Variants in RIMS1 observed in about 807,000 individuals in gnomAD.
RIMS1 encodes the protein regulating synaptic membrane exocytosis protein 1.
Under a neutral mutation model 214.1 loss-of-function variants are expected in RIMS1, and 83 were observed. The observed-to-expected ratio is 0.39, with a 90% CI of 0.32 to 0.47. The LOEUF (loss-of-function observed/expected upper bound fraction) is 0.47. Ranked by LOEUF, RIMS1 falls within the 20% of genes least tolerant of loss-of-function variation. The pLI is 0.99. For missense variants in RIMS1, 2,050 were observed against 2,161.8 expected, an observed-to-expected ratio of 0.95 and a Z score of 1.03; for synonymous variants, 793 against 786.8, an observed-to-expected ratio of 1.01 and a Z score of -0.13.
chr6:72,082,051 G>A (rs2153775181), intron 2 of RIMS1, among the ~76,000 whole-genome samples: 1 of 152,222 alleles, frequency 6.6e-6, no homozygotes, highest in African/African-American at 2.4e-5. Flanking sequence ...GTAAAATTCA[G>A]GAAGCTTGTA....
chr6:72,300,492 T>A (rs1158105823), intron 26 of RIMS1, among the ~76,000 whole-genome samples: 1 of 151,768 alleles, frequency 6.6e-6, no homozygotes. Flanking sequence ...ATTGGAGTAA[T>A]GAGAAATTAT....
intron 4 of RIMS1, among the ~76,000 whole-genome samples, chr6:72,174,366 G>T (rs183160608): frequency 6.6e-6 from 1 of 152,160 alleles, no homozygotes. Context: ...AATTGATATT[G>T]TCACTTTTGG....
chr6:72,362,104 A>G (rs987263778), intron 29 of RIMS1, among the ~76,000 whole-genome samples: 1 of 152,168 alleles, frequency 6.6e-6, no homozygotes, highest in Non-Finnish European at 1.5e-5. Flanking sequence ...ATCCATGGAT[A>G]TAGTTTAAAT....
chr6:72,063,795 A>G (rs1828538147), intron 2 of RIMS1, among the ~76,000 whole-genome samples: 1 of 152,348 alleles, frequency 6.6e-6, no homozygotes, highest in Non-Finnish European at 1.5e-5. Context: ...AAAAACTAAA[A>G]TTGCCATCAG....
At chr6:72,210,745 A>C (rs1229622813) in intron 6 of RIMS1, among the ~76,000 whole-genome samples, 1 of 152,220 alleles carries the variant, frequency 6.6e-6, no homozygotes, top group African/African-American at 2.4e-5. Flanking sequence ...GTCATTTATC[A>C]TACCTAAGCC....
chr6:72,078,730 C>T (rs1221349128), intron 2 of RIMS1, among the ~76,000 whole-genome samples: 1 of 152,072 alleles, frequency 6.6e-6, no homozygotes, highest in Non-Finnish European at 1.5e-5. Flanking sequence ...AGCATTTTCT[C>T]AGCATCTGAA....
chr6:72,285,754 A>G (rs938799867), intron 24 of RIMS1, among the ~76,000 whole-genome samples: 2 of 152,314 alleles, frequency 1.3e-5, no homozygotes, highest in East Asian at 1.9e-4. Context: ...ATCATTGTAA[A>G]TAACTATAAT....
chr6:72,022,615 A>T (rs746022404), intron 2 of RIMS1, among the ~76,000 whole-genome samples: 1 of 152,226 alleles, frequency 6.6e-6, no homozygotes, highest in Non-Finnish European at 1.5e-5. Context: ...TACATTATGC[A>T]GAAAACCTTG....
intron 23 of RIMS1, among the ~76,000 whole-genome samples, chr6:72,278,631 C>T (rs2088118646): frequency 6.6e-6 from 1 of 151,978 alleles, no homozygotes; most frequent in African/African-American, 2.4e-5. Context: ...TCTATAATAT[C>T]CTTTATTATC....
chr6:71,901,880 C>T lies in RIMS1; in HGVS notation c.164+14693C>T, dbSNP rs571445729. Reference sequence around the variant, plus strand: ...GTAACAAGGAGATCACTGGTAACTTCAGGAAAGGCTTTTTCTACAAATTTA... The same window carrying T: ...GTAACAAGGAGATCACTGGTAACTTTAGGAAAGGCTTTTTCTACAAATTTA... On this transcript the variant is annotated intron_variant, in intron 1 of 33. Coordinates refer to ENST00000521978, the MANE Select transcript of RIMS1 (RefSeq NM_014989.7). 7.2e-5 allele frequency among the ~76,000 whole-genome samples: 11 copies of T among 152,124 alleles called. 1 individual carries two copies. In the East Asian group the frequency reaches 1.9e-3, roughly 27 times the overall value.
At chr6:72,188,089 C>T (rs144128639) in intron 6 of RIMS1, among the ~76,000 whole-genome samples, 1 of 152,154 alleles carries the variant, frequency 6.6e-6, no homozygotes, top group African/African-American at 2.4e-5. Context: ...TTATTCTGGC[C>T]GTGCTGGGAA....
chr6:72,107,622 T>A (rs924573165), intron 4 of RIMS1, among the ~76,000 whole-genome samples: 2 of 152,144 alleles, frequency 1.3e-5, no homozygotes, highest in African/African-American at 4.8e-5. Context: ...ACTGTTTTGC[T>A]TCTTAAAATA....
intron 23 of RIMS1, among the ~76,000 whole-genome samples, chr6:72,277,177 A>C (rs2086891984): frequency 6.6e-6 from 1 of 152,238 alleles, no homozygotes; most frequent in Non-Finnish European, 1.5e-5. Context: ...ACACAGACAC[A>C]CAATTTTTAG....
intron 6 of RIMS1, among the ~76,000 whole-genome samples, 162 bp from the exon 7 acceptor site, chr6:72,233,611 A>T (rs2062857034): frequency 6.6e-6 from 1 of 151,738 alleles, no homozygotes; most frequent in South Asian, 2.1e-4. Flanking sequence ...CATTCCAGTG[A>T]TTCAAGTCAC....
intron 2 of RIMS1, among the ~76,000 whole-genome samples, chr6:72,012,894 A>G (rs1156380049): frequency 1.3e-5 from 2 of 152,192 alleles, no homozygotes; most frequent in Non-Finnish European, 2.9e-5. Flanking sequence ...TGTTGAGACC[A>G]TTCATTTTGT....
At chr6:72,167,903 ATT>A (rs10544711) in intron 4 of RIMS1, among the ~76,000 whole-genome samples, 104,829 of 150,986 alleles carry the variant, frequency 0.69, 36,811 homozygotes, top group East Asian at 0.84. Flanking sequence ...TCTAGGTTTT[ATT>A]TTTTTTTTTA....
intron 4 of RIMS1, among the ~76,000 whole-genome samples, chr6:72,158,631 T>C (rs2044795892): frequency 7.8e-6 from 1 of 128,912 alleles, no homozygotes; most frequent in Non-Finnish European, 1.7e-5. Context: ...CATTGCTCAA[T>C]TCCCACCTAT....
chr6:71,956,514 T>C (rs1460037239), intron 1 of RIMS1, among the ~76,000 whole-genome samples: 1 of 152,148 alleles, frequency 6.6e-6, no homozygotes, highest in Non-Finnish European at 1.5e-5. Flanking sequence ...GGAATATCAC[T>C]TTTCTTGGTG....
At chr6:72,302,738 G>T (rs2094753857) in intron 26 of RIMS1, among the ~76,000 whole-genome samples, 1 of 151,402 alleles carries the variant, frequency 6.6e-6, no homozygotes, top group Non-Finnish European at 1.5e-5. Context: ...AACTAGACAG[G>T]CTTAAATATC....
Sources: allele counts gnomAD v4.1 joint callset (sites outside exome capture counted in the v4.1 genomes callset), GRCh38; gene constraint gnomAD v4.1.1; transcripts MANE v1.5; gene names NCBI Gene and HGNC (gene_info 2026-07-23, HGNC 2026-07-21).